The following GLDC variants were observed in gnomAD, a reference collection of about 807,000 sequenced individuals.
GLDC encodes glycine decarboxylase.
A neutral mutation model predicts 121.3 loss-of-function variants in GLDC; 104 were observed. That is an observed-to-expected ratio of 0.86 (90% CI 0.73 to 1.01). The LOEUF is 1.01. GLDC is among the 50% of genes least tolerant of loss of function. The pLI is 0.00. For missense variants in GLDC, 1,429 were observed against 1,306.6 expected, an observed-to-expected ratio of 1.09 and a Z score of -1.44; for synonymous variants, 546 against 480.6, an observed-to-expected ratio of 1.14 and a Z score of -1.78.
chr9:6,639,191 C>G (rs1345240419), intron 2 of GLDC: 3 of 853,538 alleles, frequency 3.5e-6, no homozygotes, highest in South Asian at 1.3e-5. Flanking sequence ...AAGCCGAAGC[C>G]AAAGAGAATG....
chr9:6,539,932 C>T, intron 22 of GLDC, 119 bp downstream of exon 22: 1 of 782,168 alleles, frequency 1.3e-6, no homozygotes, highest in South Asian at 1.4e-5. Flanking sequence ...GCCAAGAACC[C>T]TGAGCTCCCC....
intron 17 of GLDC, chr9:6,557,965 T>TTCAC (rs1264088680): frequency 3.4e-5 from 6 of 179,074 alleles, no homozygotes; most frequent in Non-Finnish European, 6.0e-5. Context: ...CTGCACAGAG[T>TTCAC]TCACAGTCTC....
At chr9:6,539,376 G>C (rs1046910063) in intron 22 of GLDC, among the ~76,000 whole-genome samples, 26 of 152,106 alleles carry the variant, frequency 1.7e-4, no homozygotes, top group African/African-American at 6.3e-4. Context: ...CTACGTGGGA[G>C]GCTGAGGCAT....
chr9:6,610,121 C>T, intron 4 of GLDC, 71 bp downstream of exon 4: 1 of 1,158,566 alleles, frequency 8.6e-7, no homozygotes. Flanking sequence ...TCACAATATA[C>T]TATAGAAAGA....
chr9:6,612,840 T>G (rs1818887181), intron 3 of GLDC, among the ~76,000 whole-genome samples: 1 of 151,940 alleles, frequency 6.6e-6, no homozygotes, highest in Non-Finnish European at 1.5e-5. Context: ...CCAGCCTGGG[T>G]GACAGAGCGA....
intron 7 of GLDC, among the ~76,000 whole-genome samples, chr9:6,603,003 G>T (rs896374271): frequency 1.3e-5 from 2 of 151,940 alleles, no homozygotes; most frequent in Non-Finnish European, 2.9e-5. Context: ...CAAGGTGGGC[G>T]GATCACCTGA....
chr9:6,643,092 C>A (rs962339618), intron 2 of GLDC, among the ~76,000 whole-genome samples: 1 of 151,838 alleles, frequency 6.6e-6, no homozygotes, highest in Non-Finnish European at 1.5e-5. Flanking sequence ...GAGATGGGGT[C>A]TCGCAATATT....
intron 21 of GLDC, among the ~76,000 whole-genome samples, chr9:6,548,457 C>G (rs892844503): frequency 6.6e-6 from 1 of 152,186 alleles, no homozygotes; most frequent in Non-Finnish European, 1.5e-5. Flanking sequence ...TGCTTAGAGA[C>G]ATGTTGCCCA....
At chr9:6,611,353 C>G (rs188216970) in intron 3 of GLDC, among the ~76,000 whole-genome samples, 70 of 152,278 alleles carry the variant, frequency 4.6e-4, no homozygotes, top group African/African-American at 8.4e-4. Context: ...GTCAGGAGAT[C>G]GAGACCATCC....
intron 21 of GLDC, among the ~76,000 whole-genome samples, chr9:6,545,082 A>G (rs539937806): frequency 3.4e-5 from 5 of 148,572 alleles, no homozygotes; most frequent in African/African-American, 1.3e-4. Context: ...CTGGGTAACA[A>G]GAGCGAAACT....
intron 21 of GLDC, among the ~76,000 whole-genome samples, chr9:6,547,510 T>C (rs906205545): frequency 3.9e-5 from 6 of 152,228 alleles, no homozygotes; most frequent in African/African-American, 1.4e-4. Flanking sequence ...CTCTCATATG[T>C]TATCACTGTG....
At chr9:6,625,137 T>C (rs1030669037) in intron 2 of GLDC, among the ~76,000 whole-genome samples, 1 of 152,206 alleles carries the variant, frequency 6.6e-6, no homozygotes, top group Admixed American at 6.5e-5. Flanking sequence ...TTAAGAGAGC[T>C]GGTGCTATGG....
At chr9:6,640,217 TAC>T in intron 2 of GLDC, among the ~76,000 whole-genome samples, 1 of 152,378 alleles carries the variant, frequency 6.6e-6, no homozygotes, top group African/African-American at 2.4e-5. Context: ...TCTTTACTGT[TAC>T]AGTCATTTAA....
chr9:6,558,128 G>A (rs1817675592), intron 17 of GLDC: 1 of 265,026 alleles, frequency 3.8e-6, no homozygotes, highest in Non-Finnish European at 7.2e-6. Context: ...GGGGTTGGTG[G>A]AAACCAAGCT....
rs115823261 is a variant in GLDC, at chr9:6,538,087, C to T, written c.2666-1851G>A. On this transcript the variant is annotated intron_variant, in intron 22 of 24. Coordinates refer to ENST00000321612, the MANE Select transcript of GLDC (RefSeq NM_000170.3). ...AATGAGTTTTGGTAAATGCATACACCTTTGTCACTCAAACCAGACAGGGAT... is the reference window on the plus strand; with the variant it reads ...AATGAGTTTTGGTAAATGCATACACTTTTGTCACTCAAACCAGACAGGGAT... Among the ~76,000 whole-genome samples the T allele has an allele frequency of 9.5e-3, 1,439 of 151,854 alleles. 22 individuals are homozygous for T. The highest frequency in any genetic ancestry group is 0.033 in the African/African-American group (1,370 of 41,286).
At chr9:6,565,298 A>G in intron 16 of GLDC, 56 bp downstream of exon 16, 1 of 1,231,534 alleles carries the variant, frequency 8.1e-7, no homozygotes, top group Non-Finnish European at 1.2e-6. Context: ...AGGGACCCTG[A>G]GAGCCAGGAC....
intron 21 of GLDC, chr9:6,541,991 C>T (rs1817275084): frequency 6.6e-6 from 1 of 151,652 alleles, no homozygotes; most frequent in Non-Finnish European, 1.5e-5. Context: ...CCTGTAATCC[C>T]AGCACTTTGC....
chr9:6,604,745 T>C lies in GLDC; in HGVS notation c.901A>G (p.Ile301Val). The C allele has an allele frequency of 6.2e-7, 1 of 1,614,120 alleles. No homozygotes were observed. Among genetic ancestry groups the C allele is most frequent in the Non-Finnish European group, 8.5e-7 (1 of 1,180,002 alleles). Residue 301 changes from isoleucine (I) to valine (V), a missense_variant, in exon 7 of 25, where the codon ATC (isoleucine) becomes GTC (valine). Transcript: ENST00000321612. ...CCATDLLALC[I>V]LRPPGEFGVD... ...CCAAATTCTCCAGGTGGCCTCAAGA[T>C]GCACAAAGCTAAAAGGTCAGTAGCA...
rs1817586532 is a variant in GLDC at position 6,554,805 on chromosome 9, AG to A, written c.2203-25del. 4 of 1,578,422 alleles carry A rather than the reference AG, an allele frequency of 2.5e-6. No individual in the cohort carries two copies. In the East Asian group the frequency reaches 9.0e-5, roughly 35 times the overall value. ...ACCTACCACAAAGGCAAGGGCCAAAAGCAAAAGTCAAGAGCTTGGAAGCACC... is the reference window on the plus strand; with the variant it reads ...ACCTACCACAAAGGCAAGGGCCAAAACAAAAGTCAAGAGCTTGGAAGCACC... On this transcript the variant is annotated intron_variant, in intron 18 of 24. Transcript: ENST00000321612.
Sources: gnomAD v4.1 joint callset for allele counts (sites outside exome capture counted in the v4.1 genomes callset) on GRCh38, gnomAD v4.1.1 for gene constraint, MANE v1.5 for transcripts, NCBI Gene and HGNC (gene_info 2026-07-23, HGNC 2026-07-21) for gene names.